MSL2: variants seen among roughly 807,000 people sequenced by gnomAD.
MSL2 encodes the protein MSL complex subunit 2, also known as E3 ubiquitin-protein ligase MSL2.
MSL2 carries 2 observed loss-of-function variants against 35.8 expected under a neutral mutation model. That is an observed-to-expected ratio of 0.06 (90% CI 0.02 to 0.18). The LOEUF (loss-of-function observed/expected upper bound fraction) is 0.18. Among genes scored for constraint, MSL2 ranks in the 10% least tolerant of loss-of-function variants. The pLI is 1.00. For missense variants in MSL2, 523 were observed against 706.7 expected, an observed-to-expected ratio of 0.74 and a Z score of 2.95; for synonymous variants, 296 against 255.7, an observed-to-expected ratio of 1.16 and a Z score of -1.50.
At chr3:136,184,852 A>T (rs950007953) in intron 1 of MSL2, among the ~76,000 whole-genome samples, 2 of 151,728 alleles carry the variant, frequency 1.3e-5, no homozygotes, top group African/African-American at 4.8e-5. Flanking sequence ...CTAGCCAATG[A>T]TGCTAGCCAA....
chr3:136,152,813 CA>C, intron 1 of MSL2, 75 bp from the exon 2 acceptor site: 1 of 1,525,898 alleles, frequency 6.6e-7, no homozygotes. Flanking sequence ...GTTTAGATGA[CA>C]TAAGTAGTCT....
chr3:136,151,580 A>G lies in MSL2; in HGVS notation c.1301T>C (p.Val434Ala). 6.2e-7 allele frequency: 1 copy of G among 1,613,982 alleles called. No individual in the cohort carries two copies. The highest frequency in any genetic ancestry group is 8.5e-7 in the Non-Finnish European group (1 of 1,179,982). The stretch of plus-strand genomic sequence containing the variant: ...ATGATGACTAGGAATCTTTTCCTTT[A>G]CTGCTTTGTCTTTTTTAAGAATACC... ...KPGILKKDKA[V>A]KEKIPSHHFM... Residue 434 changes from valine to alanine, a missense_variant, in exon 2 of 2, where the codon GTA becomes GCA. Transcript: ENST00000309993. This position sits in a 1 kb window ranked among gnomAD's most constrained non-coding sequence, Gnocchi z 5.2.
intron 1 of MSL2, among the ~76,000 whole-genome samples, chr3:136,175,960 T>C (rs541567095): frequency 5.3e-5 from 8 of 152,278 alleles, no homozygotes; most frequent in Admixed American, 2.6e-4. Flanking sequence ...CTCTGAATTA[T>C]AGCACCAAAA....
At chr3:136,158,825 GA>G (rs1171369798) in intron 1 of MSL2, among the ~76,000 whole-genome samples, 4 of 152,076 alleles carry the variant, frequency 2.6e-5, no homozygotes, top group Non-Finnish European at 5.9e-5. Flanking sequence ...TATATGCTAG[GA>G]ATGAACAAAC....
intron 1 of MSL2, among the ~76,000 whole-genome samples, chr3:136,164,823 C>G (rs142651284): frequency 1.3e-4 from 20 of 152,176 alleles, no homozygotes; most frequent in Admixed American, 1.2e-3. Flanking sequence ...AGATCGTGTT[C>G]CATATAGTTA....
intron 1 of MSL2, among the ~76,000 whole-genome samples, chr3:136,174,195 A>G (rs921683191): frequency 6.6e-5 from 10 of 152,234 alleles, no homozygotes; most frequent in African/African-American, 2.4e-4. Flanking sequence ...CCAGCACCTA[A>G]TAAATGTAAA....
chr3:136,175,316 C>G (rs936136075), intron 1 of MSL2, among the ~76,000 whole-genome samples: 8 of 151,004 alleles, frequency 5.3e-5, no homozygotes, highest in African/African-American at 1.7e-4. Context: ...TGCACTCCAG[C>G]CTGGGCGACA....
At chr3:136,175,817 A>AG (rs1940156735) in intron 1 of MSL2, among the ~76,000 whole-genome samples, 1 of 152,202 alleles carries the variant, frequency 6.6e-6, no homozygotes, top group South Asian at 2.1e-4. Context: ...TCATTGAATA[A>AG]AACATTTCTC....
At chr3:136,152,821 G>A (rs1939411182) in intron 1 of MSL2, 83 bp from the exon 2 acceptor site, 5 of 1,514,042 alleles carry the variant, frequency 3.3e-6, no homozygotes, top group South Asian at 2.7e-5. Context: ...GACATAAGTA[G>A]TCTATCAAAA....
chr3:136,161,842 T>C, intron 1 of MSL2, among the ~76,000 whole-genome samples: 1 of 152,134 alleles, frequency 6.6e-6, no homozygotes, highest in East Asian at 1.9e-4. Flanking sequence ...GAATCCAACC[T>C]TCTACCTAAT....
rs1939331423 is a variant in MSL2 at position 136,150,580 on chromosome 3, T to C, written c.*567A>G. The C allele has an allele frequency of 6.5e-6, 1 of 152,716 alleles. No individual in the cohort carries two copies. Among genetic ancestry groups the C allele is most frequent in the Non-Finnish European group, 1.5e-5 (1 of 68,094 alleles). 9.5% of individuals were successfully genotyped at this position (152,716 alleles called of 1,614,324 possible). A position where few individuals can be genotyped will look rare whatever the true frequency, so the allele number is the denominator to read the frequency against. ...TAAACATTCTAATGAGGGGGAATTT[T>C]TTTTCATAATACTGCTGATTTAAGA... On this transcript the variant is annotated 3_prime_UTR_variant, in exon 2 of 2. Transcript: ENST00000309993.
intron 1 of MSL2, among the ~76,000 whole-genome samples, chr3:136,183,486 G>A (rs541212699): frequency 1.3e-5 from 2 of 151,934 alleles, no homozygotes; most frequent in Non-Finnish European, 2.9e-5. Flanking sequence ...GCAGTGGCAC[G>A]ACCTCGATCA....
At position 136,195,504 on chromosome 3, in the gene MSL2, C is replaced by T; in HGVS notation, c.-391G>A. ...CGGACACGGAGGCGCCTCCTCAAGT[C>T]GAGCTGGCAGGCGCGGGAGCAGGCC... On this transcript the variant is annotated 5_prime_UTR_variant, in exon 1 of 2. Transcript: ENST00000309993. The T allele has an allele frequency of 2.0e-6, 2 of 1,010,148 alleles. No individual in the cohort carries two copies. The highest frequency in any genetic ancestry group is 2.4e-6 in the Non-Finnish European group (2 of 846,090). The allele number at this position is 1,010,148 out of a possible 1,614,324, so 62.6% of individuals were successfully genotyped here.
intron 1 of MSL2, among the ~76,000 whole-genome samples, chr3:136,165,782 AAGAAAT>A (rs1939829456): frequency 6.6e-6 from 1 of 152,174 alleles, no homozygotes; most frequent in African/African-American, 2.4e-5. Context: ...ATGGCTACAA[AAGAAAT>A]AGAAAGAATG....
At chr3:136,191,503 G>GTTT (rs1940689289) in intron 1 of MSL2, among the ~76,000 whole-genome samples, 1 of 149,432 alleles carries the variant, frequency 6.7e-6, no homozygotes, top group Non-Finnish European at 1.5e-5. Flanking sequence ...CAGGCCAGGA[G>GTTT]CCACAGTGGC....
chr3:136,157,958 C>T (rs1267428224), intron 1 of MSL2, among the ~76,000 whole-genome samples: 1 of 152,136 alleles, frequency 6.6e-6, no homozygotes, highest in Non-Finnish European at 1.5e-5. Flanking sequence ...GAAAACACTT[C>T]CCAACTCATA....
chr3:136,152,055 T>C lies in MSL2; in HGVS notation c.826A>G (p.Ser276Gly). The C allele has an allele frequency of 6.2e-7, 1 of 1,614,186 alleles. No individual in the cohort carries two copies. Among genetic ancestry groups the C allele is most frequent in the Non-Finnish European group, 8.5e-7 (1 of 1,180,032 alleles). Residue 276 changes from serine (S) to glycine (G), a missense_variant, in exon 2 of 2, where the codon AGC becomes GGC. Ser to Gly is a moderately conservative substitution (Grantham distance 56). Transcript: ENST00000309993. Reference sequence around the variant, plus strand: ...TCTGTATTTGAAACAGTTTCTAAGCTGCGGAGTACTTCCTCAACACTCAGT... The same window carrying C: ...TCTGTATTTGAAACAGTTTCTAAGCCGCGGAGTACTTCCTCAACACTCAGT... ...LLLSVEEVLRSLETVSNTEVC... is the reference protein window; with the variant it reads ...LLLSVEEVLRGLETVSNTEVC...
intron 1 of MSL2, among the ~76,000 whole-genome samples, chr3:136,166,488 C>G (rs1939859089): frequency 6.6e-6 from 1 of 151,844 alleles, no homozygotes; most frequent in Non-Finnish European, 1.5e-5. Flanking sequence ...AATCAACATG[C>G]TTTTTAAAGC....
chr3:136,194,946 A>G, intron 1 of MSL2, 26 bp downstream of exon 1: 1 of 1,613,236 alleles, frequency 6.2e-7, no homozygotes, highest in East Asian at 2.2e-5. Flanking sequence ...CAAGCATTGA[A>G]AAGGGAACAA....
Sources: allele counts gnomAD v4.1 joint callset (sites outside exome capture counted in the v4.1 genomes callset), GRCh38; gene constraint gnomAD v4.1.1; non-coding constraint Gnocchi (gnomAD v3.1); transcripts MANE v1.5; gene names NCBI Gene and HGNC (gene_info 2026-07-23, HGNC 2026-07-21).